Variants in ITGA8 observed in about 807,000 individuals in gnomAD.
ITGA8 encodes integrin alpha-8.
In ITGA8, 91 loss-of-function variants were observed where a neutral mutation model predicts 142.3. That is an observed-to-expected ratio of 0.64 (90% CI 0.54 to 0.76). ITGA8 has a LOEUF of 0.76. Among genes scored for constraint, ITGA8 ranks in the 30% least tolerant of loss-of-function variants. The pLI is 0.00. For synonymous variants in ITGA8, 505 were observed against 485.2 expected, an observed-to-expected ratio of 1.04 and a Z score of -0.54; for missense variants, 1,406 against 1,327.7, an observed-to-expected ratio of 1.06 and a Z score of -0.92.
At chr10:15,663,435 A>AT (rs1307091217) in intron 8 of ITGA8, among the ~76,000 whole-genome samples, 4 of 152,034 alleles carry the variant, frequency 2.6e-5, no homozygotes, top group African/African-American at 4.8e-5. Context: ...AACCCAATCC[A>AT]TTTTTCAGAT....
rs181652151 is a variant in ITGA8, at chr10:15,617,767, A to G, written c.1400-1208T>C. Among the ~76,000 whole-genome samples, 391 of 147,816 alleles carry G rather than the reference A, an allele frequency of 2.6e-3. 1 individual carries two copies. The highest frequency in any genetic ancestry group is 9.2e-3 in the African/African-American group (373 of 40,590). On this transcript the variant is annotated intron_variant, in intron 13 of 29. Transcript: ENST00000378076. Reference sequence around the variant, plus strand: ...CAATCAAACACAAATAAAAATGACAATGGCTAAATCTGCAGAGTAAAATTT... The same window carrying G: ...CAATCAAACACAAATAAAAATGACAGTGGCTAAATCTGCAGAGTAAAATTT...
At chr10:15,537,650 T>A (rs1248457533) in intron 27 of ITGA8, among the ~76,000 whole-genome samples, 2 of 152,092 alleles carry the variant, frequency 1.3e-5, no homozygotes, top group Non-Finnish European at 2.9e-5. Flanking sequence ...AAATAGTAAC[T>A]TTCCCCTACA....
chr10:15,541,309 A>G (rs544893315), intron 27 of ITGA8, among the ~76,000 whole-genome samples: 2 of 152,340 alleles, frequency 1.3e-5, no homozygotes, highest in East Asian at 1.9e-4. Context: ...AAGAATGCTC[A>G]TGGGCTAAGC....
intron 28 of ITGA8, among the ~76,000 whole-genome samples, chr10:15,527,669 A>C (rs556398399): frequency 6.6e-6 from 1 of 152,182 alleles, no homozygotes; most frequent in Non-Finnish European, 1.5e-5. Context: ...ATTCTCTTCC[A>C]TAAGTAAAGC....
At chr10:15,640,820 G>A (rs991495408) in intron 13 of ITGA8, among the ~76,000 whole-genome samples, 4 of 152,184 alleles carry the variant, frequency 2.6e-5, no homozygotes, top group Admixed American at 6.5e-5. Flanking sequence ...AACAGAGGAC[G>A]AAGAGGGCCC....
At chr10:15,671,498 C>A (rs1022002416) in intron 8 of ITGA8, 105 bp downstream of exon 8, 15 of 883,034 alleles carry the variant, frequency 1.7e-5, no homozygotes, top group Admixed American at 5.7e-5. Context: ...CATTAATATC[C>A]CTTTGGTATA....
chr10:15,686,919 A>C (rs1834842162), intron 3 of ITGA8, among the ~76,000 whole-genome samples: 2 of 152,232 alleles, frequency 1.3e-5, no homozygotes. Context: ...CACACAAAAA[A>C]ATCAAAACAG....
At chr10:15,584,006 T>A (rs778107442) in intron 23 of ITGA8, among the ~76,000 whole-genome samples, 7 of 152,120 alleles carry the variant, frequency 4.6e-5, no homozygotes, top group Non-Finnish European at 1.0e-4. Context: ...TAGCACTATG[T>A]GTAAAAAAGG....
chr10:15,569,136 C>T (rs1174046465), intron 25 of ITGA8, among the ~76,000 whole-genome samples: 1 of 152,070 alleles, frequency 6.6e-6, no homozygotes, highest in Non-Finnish European at 1.5e-5. Context: ...ACGTTGACTA[C>T]AAAGTGTATC....
chr10:15,711,856 C>T (rs930767497), intron 2 of ITGA8, among the ~76,000 whole-genome samples: 2 of 152,230 alleles, frequency 1.3e-5, no homozygotes, highest in African/African-American at 2.4e-5. Context: ...GACCTTCAGG[C>T]CAATACACTA....
At chr10:15,694,471 A>G (rs1835008414) in intron 2 of ITGA8, among the ~76,000 whole-genome samples, 1 of 136,668 alleles carries the variant, frequency 7.3e-6, no homozygotes, top group Non-Finnish European at 1.5e-5. Flanking sequence ...TACATCTATT[A>G]TATATAAAAT....
intron 2 of ITGA8, among the ~76,000 whole-genome samples, chr10:15,700,650 A>G (rs1216615700): frequency 2.0e-5 from 3 of 152,190 alleles, no homozygotes; most frequent in Middle Eastern, 3.2e-3. Flanking sequence ...GCGGGAGAAA[A>G]TCTTCACAAT....
At position 15,554,587 on chromosome 10, in the gene ITGA8, C is replaced by T. The variant is rs995325927; in HGVS notation, c.2766+3487G>A. On this transcript the variant is annotated intron_variant, in intron 26 of 29. Coordinates refer to ENST00000378076, the MANE Select transcript of ITGA8 (RefSeq NM_003638.3). ...TGCACATATGCACATGCACCCAGGT[C>T]CCACAGATGCCACTAAATTGGCTGA... Among the ~76,000 whole-genome samples, 5 of 152,118 alleles carry T rather than the reference C, an allele frequency of 3.3e-5. No homozygotes were observed. In the East Asian group the frequency reaches 7.7e-4, roughly 23 times the overall value.
chr10:15,659,650 C>T (rs569075553), intron 9 of ITGA8, among the ~76,000 whole-genome samples: 1 of 152,242 alleles, frequency 6.6e-6, no homozygotes, highest in East Asian at 1.9e-4. Flanking sequence ...CAGAATAAGA[C>T]TTTATTTGGA....
intron 13 of ITGA8, among the ~76,000 whole-genome samples, chr10:15,638,621 G>C (rs1833814457): frequency 6.6e-6 from 1 of 152,216 alleles, no homozygotes; most frequent in African/African-American, 2.4e-5. Flanking sequence ...CTGTTGATAA[G>C]TGTGGCTTCT....
intron 5 of ITGA8, 138 bp downstream of exon 5, chr10:15,678,584 C>A: frequency 1.9e-6 from 1 of 531,146 alleles, no homozygotes; most frequent in Non-Finnish European, 3.4e-6. Flanking sequence ...AAAGCATTTG[C>A]CCAAACAGGC....
intron 9 of ITGA8, among the ~76,000 whole-genome samples, chr10:15,659,828 A>G (rs990284355): frequency 6.6e-6 from 1 of 152,202 alleles, no homozygotes; most frequent in African/African-American, 2.4e-5. Flanking sequence ...GGATGTTGCC[A>G]CAAGCCAAGG....
At chr10:15,673,026 T>C (rs1221469936) in intron 6 of ITGA8, among the ~76,000 whole-genome samples, 1 of 152,054 alleles carries the variant, frequency 6.6e-6, no homozygotes, top group Non-Finnish European at 1.5e-5. Context: ...TATCCAAGAG[T>C]GGAGGCCAAA....
At chr10:15,609,977 C>T (rs1306579565) in intron 15 of ITGA8, among the ~76,000 whole-genome samples, 1 of 152,036 alleles carries the variant, frequency 6.6e-6, no homozygotes, top group Non-Finnish European at 1.5e-5. Flanking sequence ...ATGATGTTAT[C>T]AGCTAAAGGG....
Sources: allele counts gnomAD v4.1 joint callset (sites outside exome capture counted in the v4.1 genomes callset), GRCh38; gene constraint gnomAD v4.1.1; transcripts MANE v1.5; gene names NCBI Gene and HGNC (gene_info 2026-07-23, HGNC 2026-07-21).